The following ST7 variants were observed in gnomAD, a reference collection of about 807,000 sequenced individuals.
ST7 encodes suppressor of tumorigenicity 7 protein.
In ST7, 28 loss-of-function variants were observed where a neutral mutation model predicts 78.7. The ratio of observed to expected loss-of-function variants is 0.36; its 90% CI spans 0.26 to 0.49. The LOEUF is 0.49. ST7 is among the 20% of genes least tolerant of loss of function. The probability of loss-of-function intolerance (pLI) is 0.99; values close to 1 mark genes in which losing one functional copy is unlikely to be tolerated. For missense variants in ST7, 418 were observed against 696.0 expected, an observed-to-expected ratio of 0.60 and a Z score of 4.49; for synonymous variants, 247 against 249.6, an observed-to-expected ratio of 0.99 and a Z score of 0.10.
At chr7:116,967,841 A>G (rs181633347) in intron 1 of ST7, among the ~76,000 whole-genome samples, 14 of 152,352 alleles carry the variant, frequency 9.2e-5, no homozygotes, top group Admixed American at 3.9e-4. Context: ...TAACTCAATC[A>G]GCTTTTTCTC....
intron 13 of ST7, among the ~76,000 whole-genome samples, chr7:117,210,799 A>G (rs1416944954): frequency 6.6e-6 from 1 of 152,252 alleles, no homozygotes; most frequent in Non-Finnish European, 1.5e-5. Context: ...ACTATGAATT[A>G]TTGGACAACA....
intron 10 of ST7, among the ~76,000 whole-genome samples, chr7:117,171,976 C>A (rs922054110): frequency 2.0e-4 from 29 of 148,398 alleles, no homozygotes; most frequent in African/African-American, 7.3e-4. Context: ...AGAGATAGGG[C>A]CTTCCTCTCT....
chr7:117,196,734 C>T lies in ST7; in HGVS notation c.1254+5798C>T, dbSNP rs558970471. 3.0e-5 allele frequency among the ~76,000 whole-genome samples: 4 copies of T among 133,198 alleles called. No individual in the cohort carries two copies. The East Asian group carries it at 9.6e-4, about 32-fold the overall frequency. 87.4% of individuals were successfully genotyped at this position (133,198 alleles called of 152,430 possible). ...ATGATTTGCAGATATTTTCTCTATT[C>T]CACAGGTTACCTTTTCGCTCTGTTG... On this transcript the variant is annotated intron_variant, in intron 12 of 15. Coordinates refer to ENST00000323984, the MANE Select transcript of ST7 (RefSeq NM_001369598.1).
Position 116,953,769 on chromosome 7 carries a change from G to T in ST7, c.151+78G>T, listed in dbSNP as rs1792272403. 2.8e-6 allele frequency: 3 copies of T among 1,081,650 alleles called. No individual in the cohort carries two copies. The South Asian group carries it at 1.0e-4, about 37-fold the overall frequency. 67.0% of individuals were successfully genotyped at this position (1,081,650 alleles called of 1,614,324 possible). A position where few individuals can be genotyped will look rare whatever the true frequency, so the allele number is the denominator to read the frequency against. Reference sequence around the variant, plus strand: ...GTTAGTGCAACTCGCGCGGGGCCGCGGCCAGGCGCGCGCTCGGGGACGCGC... The same window carrying T: ...GTTAGTGCAACTCGCGCGGGGCCGCTGCCAGGCGCGCGCTCGGGGACGCGC... On this transcript the variant is annotated intron_variant, in intron 1 of 15. Transcript: ENST00000323984.
At chr7:117,096,576 C>T (rs946928345) in intron 1 of ST7, among the ~76,000 whole-genome samples, 1 of 152,178 alleles carries the variant, frequency 6.6e-6, no homozygotes, top group Non-Finnish European at 1.5e-5. Flanking sequence ...AGCTTGGGGG[C>T]AGGTTGACTG....
intron 1 of ST7, among the ~76,000 whole-genome samples, chr7:116,974,234 G>A (rs1198642935): frequency 1.3e-5 from 2 of 151,112 alleles, no homozygotes; most frequent in Non-Finnish European, 2.9e-5. Context: ...CCTCCATTTT[G>A]TCTATAAAAC....
At chr7:116,961,204 T>C (rs770528958) in intron 1 of ST7, among the ~76,000 whole-genome samples, 2 of 152,214 alleles carry the variant, frequency 1.3e-5, no homozygotes, top group Non-Finnish European at 2.9e-5. Context: ...GCTGTTTTGG[T>C]TACTGTAGCC....
At chr7:117,018,562 T>G (rs1421111630) in intron 1 of ST7, among the ~76,000 whole-genome samples, 1 of 152,220 alleles carries the variant, frequency 6.6e-6, no homozygotes, top group African/African-American at 2.4e-5. Flanking sequence ...TTTTGCTGAT[T>G]ATTTATTCAT....
At chr7:117,112,906 C>T (rs1391639266) in intron 2 of ST7, among the ~76,000 whole-genome samples, 1 of 152,112 alleles carries the variant, frequency 6.6e-6, no homozygotes, top group Non-Finnish European at 1.5e-5. Context: ...GTGTTCACCA[C>T]GGAAGTAAAT....
rs529657819 is a variant in ST7, at chr7:117,192,198, A to G, written c.1254+1262A>G. Among the ~76,000 whole-genome samples the G allele has an allele frequency of 1.2e-4, 19 of 152,326 alleles. No homozygotes were observed. In the South Asian group the frequency reaches 3.9e-3, roughly 32 times the overall value. ...TATTCCACTTTGACTAAAATTTAAA[A>G]CTAATCATGAAAAAATTATCCTGAA... On this transcript the variant is annotated intron_variant, in intron 12 of 15. Transcript: ENST00000323984.
chr7:117,005,563 A>G (rs1795122249), intron 1 of ST7, among the ~76,000 whole-genome samples: 1 of 152,228 alleles, frequency 6.6e-6, no homozygotes, highest in African/African-American at 2.4e-5. Context: ...ATAGACCCCA[A>G]GAGATTCCGT....
intron 1 of ST7, among the ~76,000 whole-genome samples, chr7:116,978,744 T>C (rs759122815): frequency 7.2e-5 from 11 of 151,922 alleles, no homozygotes; most frequent in Non-Finnish European, 1.0e-4. Context: ...CACCACCAGG[T>C]CCAGCTAATT....
At chr7:117,109,278 A>G (rs1242792115) in intron 2 of ST7, among the ~76,000 whole-genome samples, 4 of 152,158 alleles carry the variant, frequency 2.6e-5, no homozygotes, top group African/African-American at 7.2e-5. Flanking sequence ...TTCTATGCCA[A>G]TTCTTTTGAA....
At chr7:117,191,073 A>G in intron 12 of ST7, 137 bp downstream of exon 12, 3 of 685,440 alleles carry the variant, frequency 4.4e-6, no homozygotes, top group East Asian at 2.8e-5. Flanking sequence ...TGTATAATGT[A>G]TGGGCATTAG....
intron 10 of ST7, among the ~76,000 whole-genome samples, chr7:117,184,756 T>C (rs1809090146): frequency 6.6e-6 from 1 of 152,166 alleles, no homozygotes; most frequent in South Asian, 2.1e-4. Context: ...CACACTTGAT[T>C]TTATGTAAAA....
chr7:117,022,837 A>T (rs1419712925), intron 1 of ST7: 1 of 152,216 alleles, frequency 6.6e-6, no homozygotes, highest in African/African-American at 2.4e-5. Flanking sequence ...TATGATTTAC[A>T]TGCAGTAAAA....
intron 1 of ST7, chr7:116,972,925 C>G: frequency 7.7e-7 from 1 of 1,297,888 alleles, no homozygotes; most frequent in Non-Finnish European, 1.1e-6. Flanking sequence ...GCCCACTCAG[C>G]TACTGCTCGC....
At chr7:117,076,961 A>G (rs1799390997) in intron 1 of ST7, among the ~76,000 whole-genome samples, 2 of 152,202 alleles carry the variant, frequency 1.3e-5, no homozygotes, top group Non-Finnish European at 2.9e-5. Context: ...AAGTTTACAC[A>G]AACGAATTGG....
chr7:117,179,404 C>T (rs977729142), intron 10 of ST7, among the ~76,000 whole-genome samples: 3 of 152,120 alleles, frequency 2.0e-5, no homozygotes, highest in Non-Finnish European at 2.9e-5. Flanking sequence ...ACACCATGTA[C>T]GCAGGACAGG....
Sources: allele counts gnomAD v4.1 joint callset (sites outside exome capture counted in the v4.1 genomes callset), GRCh38; gene constraint gnomAD v4.1.1; transcripts MANE v1.5; gene names NCBI Gene and HGNC (gene_info 2026-07-23, HGNC 2026-07-21).